SLC16A4: variants seen among roughly 807,000 people sequenced by gnomAD.
SLC16A4 encodes the protein probable monocarboxylate transporter 5.
In SLC16A4, 39 loss-of-function variants were observed where a neutral mutation model predicts 47.9. The ratio of observed to expected loss-of-function variants is 0.81; its 90% CI spans 0.63 to 1.06. The LOEUF (loss-of-function observed/expected upper bound fraction) is 1.06. Ranked by LOEUF, SLC16A4 falls within the 50% of genes least tolerant of loss-of-function variation. SLC16A4 has a pLI of 0.00. For missense variants in SLC16A4, 524 were observed against 573.8 expected (o/e 0.91, Z 0.89); for synonymous variants, 189 against 199.9 (o/e 0.95, Z 0.46).
chr1:110,364,758 A>G (rs1023286474), intron 8 of SLC16A4, among the ~76,000 whole-genome samples: 9 of 151,900 alleles, frequency 5.9e-5, no homozygotes, highest in Non-Finnish European at 1.3e-4. Context: ...TGATCCGCCT[A>G]CCTCGGCCTC....
Position 110,381,640 on chromosome 1 carries a change from C to A in SLC16A4, c.364+12G>T, listed in dbSNP as rs367694598. On this transcript the variant is annotated intron_variant, in intron 4 of 8. Coordinates refer to ENST00000369779, the MANE Select transcript of SLC16A4 (RefSeq NM_004696.3). ...CTGGCCTTCTATGGTCACATAATTACAATGGACTCACCGGGTAGAAGTCCC... is the reference window on the plus strand; with the variant it reads ...CTGGCCTTCTATGGTCACATAATTAAAATGGACTCACCGGGTAGAAGTCCC... 5 of 1,607,164 alleles carry A rather than the reference C, an allele frequency of 3.1e-6. No individual in the cohort carries two copies. The highest frequency in any genetic ancestry group is 1.3e-5 in the African/African-American group (1 of 74,344).
In SLC16A4 at chr1:110,379,044, T is replaced by C. The variant is rs1470987057; in HGVS notation, c.839A>G (p.Asp280Gly). The change falls in exon 6 of 9, where the codon GAT becomes GGT. Residue 280 changes from aspartate (D) to glycine (G), a missense_variant. Coordinates refer to ENST00000369779, the MANE Select transcript of SLC16A4 (RefSeq NM_004696.3). Reference protein sequence around the residue: ...RLLLKSDEESDKVISWSCKQL... With the variant: ...RLLLKSDEESGKVISWSCKQL... ...TTTGCAGCTCCACGAAATAACCTTATCACTTTCTTCATCACTCTTTAATAA... is the reference window on the plus strand; with the variant it reads ...TTTGCAGCTCCACGAAATAACCTTACCACTTTCTTCATCACTCTTTAATAA... 6.2e-7 allele frequency: 1 copy of C among 1,614,224 alleles called. No homozygotes were observed. The highest frequency in any genetic ancestry group is 8.5e-7 in the Non-Finnish European group (1 of 1,180,028).
chr1:110,376,697 G>A (rs771672718), intron 7 of SLC16A4, among the ~76,000 whole-genome samples: 6 of 152,102 alleles, frequency 3.9e-5, no homozygotes, highest in Non-Finnish European at 7.4e-5. Context: ...AGACTGATAA[G>A]TAAAAAGGAA....
chr1:110,364,197 C>T (rs1190554493), intron 8 of SLC16A4, among the ~76,000 whole-genome samples: 1 of 151,998 alleles, frequency 6.6e-6, no homozygotes, highest in Non-Finnish European at 1.5e-5. Flanking sequence ...TTATTGTTTT[C>T]CAGAGAAAAA....
At position 110,363,644 on chromosome 1, in the gene SLC16A4, A is replaced by AT; in HGVS notation, c.*121dup. On this transcript the variant is annotated 3_prime_UTR_variant, in exon 9 of 9. Coordinates refer to ENST00000369779, the MANE Select transcript of SLC16A4 (RefSeq NM_004696.3). ...CCGTCTCAAAAAAAAAAAAAAAAAA[A>AT]TTGTTTTCCTTCTCATGTTACAAAT... 1 of 996,524 alleles carries AT rather than the reference A, an allele frequency of 1.0e-6. No homozygotes were observed. Among genetic ancestry groups the AT allele is most frequent in the Non-Finnish European group, 1.4e-6 (1 of 721,816 alleles). The allele number at this position is 996,524 out of a possible 1,614,324, so 61.7% of individuals were successfully genotyped here. A position where few individuals can be genotyped will look rare whatever the true frequency, so the allele number is the denominator to read the frequency against.
chr1:110,370,427 G>A (rs910096216), intron 8 of SLC16A4: 23 of 152,132 alleles, frequency 1.5e-4, no homozygotes, highest in African/African-American at 4.3e-4. Flanking sequence ...GGTAATAGTG[G>A]AGCGAGGACC....
Position 110,382,706 on chromosome 1 carries a change from A to G in SLC16A4, c.220+128T>C, listed in dbSNP as rs140150882. On this transcript the variant is annotated intron_variant, in intron 3 of 8. Transcript: ENST00000369779. Reference sequence around the variant, plus strand: ...AAATATTGCAATTCCTTACTTTCTCAGCGTTACATATCAGTAAATGAACCT... The same window carrying G: ...AAATATTGCAATTCCTTACTTTCTCGGCGTTACATATCAGTAAATGAACCT... 3.3e-5 allele frequency: 30 copies of G among 915,296 alleles called. No homozygotes were observed. In the African/African-American group the frequency reaches 3.8e-4, roughly 12 times the overall value. 56.7% of individuals were successfully genotyped at this position (915,296 alleles called of 1,614,324 possible). A position where few individuals can be genotyped will look rare whatever the true frequency, so the allele number is the denominator to read the frequency against.
intron 8 of SLC16A4, among the ~76,000 whole-genome samples, chr1:110,373,284 T>C (rs1156409638): frequency 6.6e-6 from 1 of 152,234 alleles, no homozygotes; most frequent in Non-Finnish European, 1.5e-5. Context: ...CCTTGTACTT[T>C]TGGCCCAATA....
chr1:110,377,802 AGTT>A (rs932919262), intron 6 of SLC16A4, among the ~76,000 whole-genome samples: 50 of 152,174 alleles, frequency 3.3e-4, no homozygotes, highest in Admixed American at 2.4e-3. Context: ...CAACTAAAAT[AGTT>A]GTTTTTATTT....
At chr1:110,381,510 G>A in intron 4 of SLC16A4, 142 bp downstream of exon 4, 1 of 758,802 alleles carries the variant, frequency 1.3e-6, no homozygotes, top group Non-Finnish European at 2.1e-6. Context: ...TTTTAGTAGA[G>A]ACAGGGTTTC....
At chr1:110,376,893 T>TA in intron 7 of SLC16A4, 57 bp downstream of exon 7, 1 of 1,386,554 alleles carries the variant, frequency 7.2e-7, no homozygotes. Flanking sequence ...GGGAGATTGT[T>TA]ACTGATACTT....
intron 7 of SLC16A4, among the ~76,000 whole-genome samples, chr1:110,376,092 G>A (rs1661982982): frequency 6.6e-6 from 1 of 151,972 alleles, no homozygotes; most frequent in African/African-American, 2.4e-5. Flanking sequence ...GCCCAGGCTG[G>A]TCTCCAACTC....
chr1:110,379,598 T>C (rs1662240328), intron 5 of SLC16A4, among the ~76,000 whole-genome samples: 1 of 151,812 alleles, frequency 6.6e-6, no homozygotes, highest in Non-Finnish European at 1.5e-5. Context: ...TGGTGGTTAT[T>C]TGTGTTAAGG....
chr1:110,377,289 T>A, intron 6 of SLC16A4, 128 bp from the exon 7 acceptor site: 1 of 703,436 alleles, frequency 1.4e-6, no homozygotes, highest in South Asian at 1.9e-5. Flanking sequence ...AATGATTTGA[T>A]TTGTGTACCA....
At chr1:110,389,470 G>T in intron 1 of SLC16A4, 115 bp from the exon 2 acceptor site, 1 of 706,200 alleles carries the variant, frequency 1.4e-6, no homozygotes, top group Non-Finnish European at 2.4e-6. Flanking sequence ...AATTAGTTCA[G>T]CCACTGTGCA....
At position 110,363,225 on chromosome 1, in the gene SLC16A4, G is replaced by A. The variant is rs933072859; in HGVS notation, c.*541C>T. 1 of 152,222 alleles carries A rather than the reference G, an allele frequency of 6.6e-6. No homozygotes were observed. The highest frequency in any genetic ancestry group is 2.4e-5 in the African/African-American group (1 of 41,450). The allele number at this position is 152,222 out of a possible 1,614,324, so 9.4% of individuals were successfully genotyped here. On this transcript the variant is annotated 3_prime_UTR_variant, in exon 9 of 9. Coordinates refer to ENST00000369779, the MANE Select transcript of SLC16A4 (RefSeq NM_004696.3). ...TTTCTATTTAATACATAAGGTACCT[G>A]ATTAAAATTTTAGCCTATTTGGTTA...
rs572346423 is a variant in SLC16A4, at chr1:110,379,655, T to A, written c.527-299A>T. 4.9e-4 allele frequency: 132 copies of A among 270,024 alleles called. 1 individual carries two copies. Among genetic ancestry groups the A allele is most frequent in the Non-Finnish European group, 1.2e-4 (17 of 142,900 alleles). The allele number at this position is 270,024 out of a possible 1,614,324, so 16.7% of individuals were successfully genotyped here. ...TGGAGGGAGAGGAGAGTGTTTCAAA[T>A]GCTAAAAAATTAAATAGAAAATTTA... On this transcript the variant is annotated intron_variant, in intron 5 of 8. Coordinates refer to ENST00000369779, the MANE Select transcript of SLC16A4 (RefSeq NM_004696.3).
At chr1:110,370,704 A>G (rs985066708) in intron 8 of SLC16A4, 4 of 152,224 alleles carry the variant, frequency 2.6e-5, no homozygotes, top group African/African-American at 9.6e-5. Context: ...TGACTTTAAC[A>G]TATGCTGGAG....
At chr1:110,375,226 C>T in intron 8 of SLC16A4, 1 of 441,922 alleles carries the variant, frequency 2.3e-6, no homozygotes, top group Non-Finnish European at 4.1e-6. Flanking sequence ...CCAGTGTCTG[C>T]CCTACAACTC....
Sources: gnomAD v4.1 joint callset for allele counts (sites outside exome capture counted in the v4.1 genomes callset) on GRCh38, gnomAD v4.1.1 for gene constraint, MANE v1.5 for transcripts, NCBI Gene and HGNC (gene_info 2026-07-23, HGNC 2026-07-21) for gene names.